The following ESR1 variants were observed in gnomAD, a reference collection of about 807,000 sequenced individuals.
The protein encoded by ESR1 is estrogen receptor 1.
A neutral mutation model predicts 52.7 loss-of-function variants in ESR1; 12 were observed. That is an observed-to-expected ratio of 0.23 (90% CI 0.15 to 0.37). The LOEUF is 0.37. Ranked by LOEUF, ESR1 falls within the 10% of genes least tolerant of loss-of-function variation. The pLI is 1.00. For synonymous variants in ESR1, 305 were observed against 316.8 expected (o/e 0.96, Z 0.39); for missense variants, 584 against 779.7 (o/e 0.75, Z 2.99).
chr6:151,801,393 G>T (rs999448476), upstream of ESR1, among the ~76,000 whole-genome samples: 8 of 152,240 alleles, frequency 5.3e-5, no homozygotes, highest in Non-Finnish European at 1.0e-4. Flanking sequence ...TAAGATAAAA[G>T]TTACTAAATT....
intron 4 of ESR1, among the ~76,000 whole-genome samples, chr6:151,982,552 T>A (rs1414730077): frequency 6.6e-6 from 1 of 150,964 alleles, no homozygotes; most frequent in African/African-American, 2.5e-5. Context: ...TGGTGTGATC[T>A]CGGCTCACTG....
At chr6:151,864,370 A>C (rs1353148364) in intron 2 of ESR1, among the ~76,000 whole-genome samples, 2 of 152,226 alleles carry the variant, frequency 1.3e-5, no homozygotes. Flanking sequence ...GAGAAATGCA[A>C]ATCAAAACCA....
In ESR1 at chr6:152,101,589, C is replaced by T. The variant is rs9341075; in HGVS notation, c.*2623C>T. The T allele has an allele frequency of 7.6e-3, 1,760 of 230,374 alleles. 29 individuals are homozygous for T. The highest frequency in any genetic ancestry group is 0.037 in the African/African-American group (1,652 of 45,220). 14.3% of individuals were successfully genotyped at this position (230,374 alleles called of 1,614,324 possible). A position where few individuals can be genotyped will look rare whatever the true frequency, so the allele number is the denominator to read the frequency against. ...TCTCTTTGTATTTTTACTTGAAGTG[C>T]CACTAATGGACAGCAGATATTTTCT... On this transcript the variant is annotated 3_prime_UTR_variant, in exon 8 of 8. Transcript: ENST00000206249.
At chr6:151,980,282 A>G (rs762278952) in intron 4 of ESR1, among the ~76,000 whole-genome samples, 3 of 152,152 alleles carry the variant, frequency 2.0e-5, no homozygotes, top group Non-Finnish European at 4.4e-5. Flanking sequence ...TGACACTCCT[A>G]CACACCAGTT....
rs777514097 is a variant in ESR1 at position 152,098,921 on chromosome 6, G to C, written c.1743G>C (p.Lys581Asn). The C allele has an allele frequency of 1.4e-5, 23 of 1,614,208 alleles. No homozygotes were observed. The highest frequency in any genetic ancestry group is 1.9e-5 in the Non-Finnish European group (23 of 1,180,054). Reference protein sequence around the residue: ...AGSTSSHSLQKYYITGEAEGF... With the variant: ...AGSTSSHSLQNYYITGEAEGF... ...CTACTTCATCGCATTCCTTGCAAAA[G>C]TATTACATCACGGGGGAGGCAGAGG... The change falls in exon 8 of 8, where the codon AAG (lysine) becomes AAC (asparagine). Residue 581 changes from lysine (K) to asparagine (N), a missense_variant. Physicochemically the swap from Lys to Asn is moderately conservative, Grantham distance 94. Coordinates refer to ENST00000206249, the MANE Select transcript of ESR1 (RefSeq NM_000125.4). The surrounding 1 kb of genome is among the most constrained non-coding windows in gnomAD (Gnocchi z 5.1).
chr6:151,915,535 G>A (rs1279645332), intron 3 of ESR1, among the ~76,000 whole-genome samples: 2 of 152,052 alleles, frequency 1.3e-5, no homozygotes, highest in African/African-American at 4.8e-5. Context: ...TTCTAGAAAT[G>A]GATACAGGTG....
At chr6:152,079,817 A>T (rs2049043329) in intron 6 of ESR1, among the ~76,000 whole-genome samples, 1 of 152,222 alleles carries the variant, frequency 6.6e-6, no homozygotes, top group Non-Finnish European at 1.5e-5. Flanking sequence ...GGAGCTGAAA[A>T]CCACAGCATG....
In ESR1 at chr6:152,049,160, A is replaced by G. The variant is rs964589631; in HGVS notation, c.1236-11831A>G. Among the ~76,000 whole-genome samples, 24 of 152,264 alleles carry G rather than the reference A, an allele frequency of 1.6e-4. 1 individual carries two copies. Among genetic ancestry groups the G allele is most frequent in the Admixed American group, 1.1e-3 (17 of 15,288 alleles). ...AGCAAACTCAAGTGGATCATTATCT[A>G]TAGAAGTATAGAATTCCATCTCCCT... On this transcript the variant is annotated intron_variant, in intron 5 of 7. Coordinates refer to ENST00000206249, the MANE Select transcript of ESR1 (RefSeq NM_000125.4).
intron 4 of ESR1, among the ~76,000 whole-genome samples, chr6:152,010,802 A>G (rs1388182189): frequency 6.6e-6 from 1 of 152,076 alleles, no homozygotes; most frequent in Admixed American, 6.6e-5. Flanking sequence ...TCATAAATAA[A>G]TTGTGTACAA....
chr6:151,944,707 A>G (rs1323484788), intron 4 of ESR1, among the ~76,000 whole-genome samples, 199 bp downstream of exon 4: 1 of 152,206 alleles, frequency 6.6e-6, no homozygotes, highest in East Asian at 1.9e-4. Context: ...TTAAATCAGA[A>G]TCTAGAAGAC....
chr6:151,907,816 G>T (rs927239451), intron 3 of ESR1, among the ~76,000 whole-genome samples: 1 of 152,076 alleles, frequency 6.6e-6, no homozygotes, highest in Non-Finnish European at 1.5e-5. Flanking sequence ...AACCAATGGT[G>T]ATTTGTTCAG....
intron 2 of ESR1, among the ~76,000 whole-genome samples, chr6:151,866,883 AACCAAAACAGCATGGTACTGGT>A (rs1322680485): frequency 2.0e-5 from 3 of 152,096 alleles, no homozygotes; most frequent in Non-Finnish European, 4.4e-5. Flanking sequence ...AGGCTACAGT[AACCAAAACAGCATGGTACTGGT>A]ACCAAAACAG....
intron 4 of ESR1, among the ~76,000 whole-genome samples, chr6:152,011,325 A>G (rs1042516965): frequency 6.6e-6 from 1 of 152,158 alleles, no homozygotes; most frequent in African/African-American, 2.4e-5. Flanking sequence ...AGGAACAGTC[A>G]CAGGTTACTA....
At chr6:152,125,276 T>C (rs754301279) in exon 7 of ESR1, 30 of 1,550,290 alleles carry the variant, frequency 1.9e-5, no homozygotes, top group Admixed American at 5.9e-5. Flanking sequence ...GTATCTCACA[T>C]GTAGAAGCAA....
chr6:151,773,783 C>T (rs1785715979), intron 2 of ESR1, among the ~76,000 whole-genome samples: 2 of 152,168 alleles, frequency 1.3e-5, no homozygotes, highest in Non-Finnish European at 1.5e-5. Context: ...AATCTAATCA[C>T]CTTGAAAGAA....
rs538045733 is a variant in ESR1, at chr6:152,078,243, G to A, written c.1370-16142G>A. ...ATCTTCCTCATTTTCTCTTGCTGCTGCCATGTAAGAAGTGCCTTTCACAAG... is the reference window on the plus strand; with the variant it reads ...ATCTTCCTCATTTTCTCTTGCTGCTACCATGTAAGAAGTGCCTTTCACAAG... On this transcript the variant is annotated intron_variant, in intron 6 of 7. Coordinates refer to ENST00000206249, the MANE Select transcript of ESR1 (RefSeq NM_000125.4). 4.6e-5 allele frequency among the ~76,000 whole-genome samples: 7 copies of A among 152,294 alleles called. No homozygotes were observed. The East Asian group carries it at 1.2e-3, about 25-fold the overall frequency.
At chr6:151,724,226 C>T (rs1473994955) in intron 2 of ESR1, among the ~76,000 whole-genome samples, 1 of 152,110 alleles carries the variant, frequency 6.6e-6, no homozygotes, top group Non-Finnish European at 1.5e-5. Flanking sequence ...TCCACAAATA[C>T]CTTCCTAGTT....
chr6:151,731,360 GA>G lies in ESR1; in HGVS notation c.-71+29367del, dbSNP rs75318062. On this transcript the variant is annotated intron_variant, in intron 2 of 2. Transcript: ENST00000404742. ...GACACAGTGAGACTCCATCTCTCAA[GA>G]AAAAAAAAAAAGAAATGTGGGGGCA... Among the ~76,000 whole-genome samples, 650 of 140,464 alleles carry G rather than the reference GA, an allele frequency of 4.6e-3. 2 individuals are homozygous for G. The highest frequency in any genetic ancestry group is 4.4e-3 in the Non-Finnish European group (285 of 64,180). The allele number at this position is 140,464 out of a possible 152,430, so 92.1% of individuals were successfully genotyped here.
intron 6 of ESR1, among the ~76,000 whole-genome samples, chr6:152,066,898 A>T (rs1001455392): frequency 3.9e-5 from 6 of 152,190 alleles, no homozygotes; most frequent in African/African-American, 1.4e-4. Context: ...ATGATACTTA[A>T]ACTCATGGAA....
Sources: gnomAD v4.1 joint callset for allele counts (sites outside exome capture counted in the v4.1 genomes callset) on GRCh38, gnomAD v4.1.1 for gene constraint, Gnocchi (gnomAD v3.1) non-coding constraint, MANE v1.5 for transcripts, NCBI Gene and HGNC (gene_info 2026-07-23, HGNC 2026-07-21) for gene names.